Variants in DLG2 observed in about 807,000 individuals in gnomAD.
The protein encoded by DLG2 is discs large MAGUK scaffold protein 2.
Under a neutral mutation model 132.5 loss-of-function variants are expected in DLG2, and 45 were observed. The observed-to-expected ratio is 0.34, with a 90% CI of 0.27 to 0.44. The LOEUF is 0.44. DLG2 is among the 20% of genes least tolerant of loss of function. The probability of loss-of-function intolerance (pLI) is 1.00; values close to 1 mark genes in which losing one functional copy is unlikely to be tolerated. For synonymous variants in DLG2, 424 were observed against 419.6 expected, an observed-to-expected ratio of 1.01 and a Z score of -0.13; for missense variants, 1,045 against 1,196.9, an observed-to-expected ratio of 0.87 and a Z score of 1.87.
chr11:84,306,329 T>G (rs1466551436), intron 7 of DLG2, among the ~76,000 whole-genome samples: 1 of 152,180 alleles, frequency 6.6e-6, no homozygotes. Context: ...TGGTTCCAAA[T>G]CTATTAACAG....
chr11:83,672,462 C>A (rs1331471952), intron 18 of DLG2, among the ~76,000 whole-genome samples: 5 of 152,134 alleles, frequency 3.3e-5, no homozygotes, highest in Admixed American at 3.3e-4. Context: ...CAGGTGTGAG[C>A]CACCGTGCCC....
At chr11:83,698,152 T>C (rs2082251466) in intron 18 of DLG2, among the ~76,000 whole-genome samples, 2 of 152,188 alleles carry the variant, frequency 1.3e-5, no homozygotes, top group Admixed American at 1.3e-4. Flanking sequence ...CATGAGATAA[T>C]AGAGGTAAAC....
intron 3 of DLG2, among the ~76,000 whole-genome samples, chr11:85,459,715 A>T (rs2092542976): frequency 6.6e-6 from 1 of 152,120 alleles, no homozygotes; most frequent in South Asian, 2.1e-4. Context: ...AAGAGTGGTT[A>T]GGGTGATACC....
intron 19 of DLG2, among the ~76,000 whole-genome samples, chr11:83,619,942 A>C (rs2061379068): frequency 6.6e-6 from 1 of 152,206 alleles, no homozygotes; most frequent in African/African-American, 2.4e-5. Context: ...GTTTGTCTAC[A>C]GTAAGAGCTA....
chr11:84,756,196 A>T (rs1230487938), intron 6 of DLG2, among the ~76,000 whole-genome samples: 1 of 152,226 alleles, frequency 6.6e-6, no homozygotes, highest in African/African-American at 2.4e-5. Flanking sequence ...ATACTTTTTT[A>T]TGCCTTTGTT....
chr11:83,808,697 G>T (rs907671478), intron 17 of DLG2, among the ~76,000 whole-genome samples: 2 of 152,058 alleles, frequency 1.3e-5, no homozygotes, highest in African/African-American at 4.8e-5. Flanking sequence ...GCAGTTTCCT[G>T]TTGCATTGTT....
chr11:83,491,643 T>C (rs1591760615), intron 21 of DLG2, among the ~76,000 whole-genome samples: 2 of 152,152 alleles, frequency 1.3e-5, no homozygotes, highest in African/African-American at 4.8e-5. Flanking sequence ...GCTGAAATTA[T>C]ATGCTGGATT....
chr11:84,074,099 A>G (rs2096792166), intron 10 of DLG2, among the ~76,000 whole-genome samples: 1 of 152,232 alleles, frequency 6.6e-6, no homozygotes, highest in African/African-American at 2.4e-5. Flanking sequence ...GTATAGTTCA[A>G]CAACAAATGA....
At chr11:85,206,910 A>G (rs896780693) in intron 4 of DLG2, among the ~76,000 whole-genome samples, 1 of 151,778 alleles carries the variant, frequency 6.6e-6, no homozygotes, top group African/African-American at 2.4e-5. Context: ...TCACAAAAAA[A>G]ATCTTCAAAG....
At chr11:83,495,967 AG>A (rs2138632956) in intron 21 of DLG2, among the ~76,000 whole-genome samples, 1 of 152,288 alleles carries the variant, frequency 6.6e-6, no homozygotes, top group South Asian at 2.1e-4. Context: ...TAAATAAAAA[AG>A]TTGTTAAACT....
rs1487224882 is a variant in DLG2, at chr11:83,962,931, A to G, written c.1294T>C (p.Tyr432His). The G allele has an allele frequency of 6.2e-7, 1 of 1,613,196 alleles. No individual in the cohort carries two copies. The highest frequency in any genetic ancestry group is 1.1e-5 in the South Asian group (1 of 91,064). ...TSLPPISPGRYSPIPKHMLVD... is the reference protein window; with the variant it reads ...TSLPPISPGRHSPIPKHMLVD... ...AGCATGTGCTTTGGAATTGGTGAGT[A>G]CCTTCCTGGAGAGATGGGTGGCAGG... The change falls in exon 14 of 28, where the codon TAC (tyrosine) becomes CAC (histidine). Residue 432 changes from tyrosine to histidine, a missense_variant. By Grantham distance (83) the Tyr-to-His change is moderately conservative. Transcript: ENST00000376104.
chr11:83,507,430 C>CTA (rs1057151145), intron 21 of DLG2, among the ~76,000 whole-genome samples: 7 of 144,602 alleles, frequency 4.8e-5, no homozygotes, highest in South Asian at 2.2e-4. Context: ...TACATATATC[C>CTA]TATATATATA....
intron 21 of DLG2, among the ~76,000 whole-genome samples, chr11:83,488,093 A>G (rs1216247490): frequency 6.6e-6 from 1 of 152,042 alleles, no homozygotes; most frequent in Non-Finnish European, 1.5e-5. Flanking sequence ...CAATAAAGCC[A>G]TTTCTTTTTA....
intron 6 of DLG2, among the ~76,000 whole-genome samples, chr11:84,908,163 A>T (rs1480693891): frequency 6.6e-6 from 1 of 152,194 alleles, no homozygotes; most frequent in Admixed American, 6.6e-5. Flanking sequence ...TGAGAGCCAT[A>T]TATGTAATTT....
At chr11:85,385,466 A>G (rs911407550) in intron 3 of DLG2, among the ~76,000 whole-genome samples, 6 of 152,214 alleles carry the variant, frequency 3.9e-5, no homozygotes. Flanking sequence ...TAGAAACTAG[A>G]ATCAGAAGGA....
intron 7 of DLG2, among the ~76,000 whole-genome samples, chr11:84,293,007 T>C (rs1205138175): frequency 6.6e-6 from 1 of 152,154 alleles, no homozygotes; most frequent in Non-Finnish European, 1.5e-5. Context: ...ACAAGCTTGA[T>C]TTAAGGTTTA....
At chr11:83,512,768 T>C (rs1422035179) in intron 21 of DLG2, among the ~76,000 whole-genome samples, 3 of 151,438 alleles carry the variant, frequency 2.0e-5, no homozygotes, top group African/African-American at 7.3e-5. Flanking sequence ...CACCTATGAG[T>C]GAGAACGTGA....
rs774012191 is a variant in DLG2 at position 84,111,685 on chromosome 11, C to G, written c.625-12638G>C. ...ATTTGTTTCTTTGAGAACCTGCTATCTGTTCAACATTGTGTCAAATTCTGC... is the reference window on the plus strand; with the variant it reads ...ATTTGTTTCTTTGAGAACCTGCTATGTGTTCAACATTGTGTCAAATTCTGC... On this transcript the variant is annotated intron_variant, in intron 9 of 27. Transcript: ENST00000376104. 8.0e-4 allele frequency among the ~76,000 whole-genome samples: 122 copies of G among 152,192 alleles called. 1 individual carries two copies. Among genetic ancestry groups the G allele is most frequent in the Non-Finnish European group, 7.3e-5 (5 of 68,042 alleles).
chr11:83,670,434 G>T (rs991491161), intron 18 of DLG2, among the ~76,000 whole-genome samples: 9 of 151,654 alleles, frequency 5.9e-5, no homozygotes, highest in African/African-American at 2.2e-4. Context: ...AATACTTCTT[G>T]GTCACCATGA....
Sources: gnomAD v4.1 joint callset for allele counts (sites outside exome capture counted in the v4.1 genomes callset) on GRCh38, gnomAD v4.1.1 for gene constraint, MANE v1.5 for transcripts, NCBI Gene and HGNC (gene_info 2026-07-23, HGNC 2026-07-21) for gene names.